Variants in ULK4 observed in about 807,000 individuals in gnomAD.
ULK4 encodes inactive serine/threonine-protein kinase ULK4.
A neutral mutation model predicts 160.6 loss-of-function variants in ULK4; 133 were observed. That is an observed-to-expected ratio of 0.83 (90% CI 0.72 to 0.96). The LOEUF (loss-of-function observed/expected upper bound fraction) is 0.96. Among genes scored for constraint, ULK4 ranks in the 40% least tolerant of loss-of-function variants. The probability of loss-of-function intolerance (pLI) is 0.00; values close to 1 mark genes in which losing one functional copy is unlikely to be tolerated. For synonymous variants in ULK4, 534 were observed against 539.8 expected, an observed-to-expected ratio of 0.99 and a Z score of 0.15; for missense variants, 1,580 against 1,499.5, an observed-to-expected ratio of 1.05 and a Z score of -0.89.
At chr3:41,402,980 G>A (rs547005162) in intron 34 of ULK4, among the ~76,000 whole-genome samples, 2 of 151,998 alleles carry the variant, frequency 1.3e-5, no homozygotes, top group Non-Finnish European at 2.9e-5. Flanking sequence ...GAGAAACCCC[G>A]TCTCTACTGA....
intron 21 of ULK4, among the ~76,000 whole-genome samples, chr3:41,776,549 A>G (rs1425844910): frequency 6.6e-6 from 1 of 150,938 alleles, no homozygotes; most frequent in African/African-American, 2.5e-5. Context: ...CAGATACAAA[A>G]TGATCTCTGA....
At chr3:41,441,514 C>T (rs1032221130) in intron 34 of ULK4, among the ~76,000 whole-genome samples, 1 of 151,838 alleles carries the variant, frequency 6.6e-6, no homozygotes, top group Non-Finnish European at 1.5e-5. Context: ...TTTATAATTT[C>T]TCTATATTAC....
intron 32 of ULK4, 33 bp downstream of exon 32, chr3:41,565,992 C>T (rs757389403): frequency 1.3e-6 from 2 of 1,571,758 alleles, no homozygotes; most frequent in Admixed American, 3.4e-5. Context: ...ATAGGCAAAA[C>T]TTGATCAGAG....
At chr3:41,416,002 T>A (rs532089857) in intron 34 of ULK4, among the ~76,000 whole-genome samples, 3 of 152,332 alleles carry the variant, frequency 2.0e-5, no homozygotes, top group Middle Eastern at 3.4e-3. Context: ...ATGACTTTCA[T>A]AAAGTAACTC....
At chr3:41,285,761 A>G (rs917206483) in intron 35 of ULK4, among the ~76,000 whole-genome samples, 32 of 152,226 alleles carry the variant, frequency 2.1e-4, no homozygotes, top group African/African-American at 7.5e-4. Flanking sequence ...AAATAAAACA[A>G]TGGCAAAATA....
At chr3:41,521,013 G>A (rs1240278443) in intron 32 of ULK4, among the ~76,000 whole-genome samples, 1 of 152,090 alleles carries the variant, frequency 6.6e-6, no homozygotes, top group Non-Finnish European at 1.5e-5. Flanking sequence ...GGATTATTAA[G>A]GAGCTGTGCC....
intron 17 of ULK4, among the ~76,000 whole-genome samples, chr3:41,877,154 T>C (rs1470983043): frequency 6.6e-6 from 1 of 152,176 alleles, no homozygotes; most frequent in African/African-American, 2.4e-5. Flanking sequence ...ATTATATAAA[T>C]TGCTTTTAAA....
At chr3:41,709,378 G>T (rs1437365724) in intron 25 of ULK4, among the ~76,000 whole-genome samples, 2 of 151,958 alleles carry the variant, frequency 1.3e-5, no homozygotes, top group Non-Finnish European at 2.9e-5. Context: ...CTTTAAAATG[G>T]AGTTTGTTTG....
chr3:41,325,192 G>A (rs771200345), intron 35 of ULK4, among the ~76,000 whole-genome samples: 10 of 152,072 alleles, frequency 6.6e-5, no homozygotes, highest in Non-Finnish European at 1.5e-4. Flanking sequence ...TGGGTATAAT[G>A]GCAATATTCT....
chr3:41,949,687 G>A (rs995623371), intron 2 of ULK4, among the ~76,000 whole-genome samples: 4 of 149,454 alleles, frequency 2.7e-5, no homozygotes, highest in East Asian at 2.0e-4. Flanking sequence ...CCCCCTCCTC[G>A]GCCACTCAAA....
At position 41,398,330 on chromosome 3, in the gene ULK4, C is replaced by T. The variant is rs188258032; in HGVS notation, c.3493-66G>A. 1.9e-3 allele frequency: 2,981 copies of T among 1,553,680 alleles called. 5 individuals are homozygous for T. Among genetic ancestry groups the T allele is most frequent in the Non-Finnish European group, 2.4e-3 (2,714 of 1,148,902 alleles). Reference sequence around the variant, plus strand: ...ACGGTATTAGTACTCAAAAAAAACACAGTAAAATTTGGCTTGATGGGGGTG... The same window carrying T: ...ACGGTATTAGTACTCAAAAAAAACATAGTAAAATTTGGCTTGATGGGGGTG... On this transcript the variant is annotated intron_variant, in intron 34 of 36. Transcript: ENST00000301831.
intron 2 of ULK4, among the ~76,000 whole-genome samples, chr3:41,953,184 A>G (rs1401343496): frequency 1.3e-5 from 2 of 151,440 alleles, no homozygotes; most frequent in African/African-American, 4.8e-5. Context: ...AAAAATCACT[A>G]AGGTGCAAAT....
chr3:41,404,767 T>C (rs2082260245), intron 34 of ULK4, among the ~76,000 whole-genome samples: 2 of 152,210 alleles, frequency 1.3e-5, no homozygotes, highest in African/African-American at 4.8e-5. Context: ...TCTCGCCCTC[T>C]TGCACTTCCT....
At chr3:41,380,383 A>G (rs992553898) in intron 35 of ULK4, among the ~76,000 whole-genome samples, 1 of 152,186 alleles carries the variant, frequency 6.6e-6, no homozygotes, top group South Asian at 2.1e-4. Flanking sequence ...GACATACAAG[A>G]AAGTTTAGAA....
At chr3:41,432,733 T>A (rs968201348) in intron 34 of ULK4, among the ~76,000 whole-genome samples, 5 of 152,242 alleles carry the variant, frequency 3.3e-5, no homozygotes, top group African/African-American at 7.2e-5. Flanking sequence ...GATAATTTCA[T>A]AAGATACACA....
At chr3:41,743,529 ATGAG>A (rs141960412) in intron 22 of ULK4, among the ~76,000 whole-genome samples, 1,925 of 152,146 alleles carry the variant, frequency 0.013, 82 homozygotes, top group African/African-American at 0.042. Flanking sequence ...GAACATCAGA[ATGAG>A]TAAGTTAGAG....
At chr3:41,364,027 C>T (rs2081202438) in intron 35 of ULK4, among the ~76,000 whole-genome samples, 1 of 152,010 alleles carries the variant, frequency 6.6e-6, no homozygotes, top group Middle Eastern at 3.2e-3. Context: ...ACCTCCCCAG[C>T]TCAAGCTATC....
intron 17 of ULK4, among the ~76,000 whole-genome samples, chr3:41,860,894 T>C (rs1006389246): frequency 6.6e-6 from 1 of 152,012 alleles, no homozygotes; most frequent in African/African-American, 2.4e-5. Context: ...ATGTGTTTTT[T>C]TGTTGTTGTT....
chr3:41,292,233 A>G (rs1227884194), intron 35 of ULK4, among the ~76,000 whole-genome samples: 1 of 152,218 alleles, frequency 6.6e-6, no homozygotes, highest in African/African-American at 2.4e-5. Context: ...TGGAAGGTGG[A>G]GATTGTAAAT....
Sources: allele counts gnomAD v4.1 joint callset (sites outside exome capture counted in the v4.1 genomes callset), GRCh38; gene constraint gnomAD v4.1.1; transcripts MANE v1.5; gene names NCBI Gene and HGNC (gene_info 2026-07-23, HGNC 2026-07-21).